The following DPP10 variants were observed in gnomAD, a reference collection of about 807,000 sequenced individuals.
The protein encoded by DPP10 is inactive dipeptidyl peptidase 10.
A neutral mutation model predicts 120.9 loss-of-function variants in DPP10; 33 were observed. The observed-to-expected ratio is 0.27, with a 90% CI of 0.21 to 0.37. DPP10 has a LOEUF of 0.37. DPP10 is among the 10% of genes least tolerant of loss of function. DPP10 has a pLI of 1.00. For missense variants in DPP10, 816 were observed against 942.8 expected, an observed-to-expected ratio of 0.87 and a Z score of 1.76; for synonymous variants, 337 against 326.1, an observed-to-expected ratio of 1.03 and a Z score of -0.36.
intron 3 of DPP10, among the ~76,000 whole-genome samples, chr2:115,362,145 A>G (rs566660619): frequency 6.6e-6 from 1 of 152,216 alleles, no homozygotes. Context: ...TTGGATAACT[A>G]TCACTGGTTT....
chr2:114,973,656 C>T (rs1465105283), intron 1 of DPP10, among the ~76,000 whole-genome samples: 5 of 13,870 alleles, frequency 3.6e-4, no homozygotes, highest in South Asian at 4.6e-3. Context: ...AGTGAGACTC[C>T]GTCTCAAAAA....
intron 1 of DPP10, among the ~76,000 whole-genome samples, chr2:114,578,325 T>G (rs1488114660): frequency 6.6e-6 from 1 of 152,232 alleles, no homozygotes; most frequent in Non-Finnish European, 1.5e-5. Flanking sequence ...GTATTCAAAT[T>G]AAGGCATTAG....
chr2:115,062,536 C>A (rs1204028402), intron 1 of DPP10, among the ~76,000 whole-genome samples: 1 of 152,164 alleles, frequency 6.6e-6, no homozygotes, highest in African/African-American at 2.4e-5. Flanking sequence ...CTTCCCCCTG[C>A]ACACTGCTCC....
chr2:114,595,459 T>G (rs1965088), intron 1 of DPP10, among the ~76,000 whole-genome samples: 37,005 of 151,954 alleles, frequency 0.24, 4,845 homozygotes, highest in African/African-American at 0.34. Context: ...AAGAAGGGTT[T>G]GGAAGGTCCA....
At position 114,987,312 on chromosome 2, in the gene DPP10, C is replaced by T. The variant is rs989769028; in HGVS notation, c.61-321927C>T. On this transcript the variant is annotated intron_variant, in intron 1 of 25. Transcript: ENST00000410059. ...TTTCTCCTGTATCCACCATGTATTGCGTTACCCAACCTTCTGCTGAACCTA... is the reference window on the plus strand; with the variant it reads ...TTTCTCCTGTATCCACCATGTATTGTGTTACCCAACCTTCTGCTGAACCTA... Among the ~76,000 whole-genome samples the T allele has an allele frequency of 5.3e-5, 8 of 152,132 alleles. No homozygotes were observed. In the South Asian group the frequency reaches 8.3e-4, roughly 16 times the overall value.
chr2:115,291,631 G>T (rs1416702881), intron 1 of DPP10, among the ~76,000 whole-genome samples: 1 of 151,974 alleles, frequency 6.6e-6, no homozygotes, highest in Admixed American at 6.6e-5. Flanking sequence ...TTATTTGAAT[G>T]ATGGATGTGT....
chr2:115,240,083 A>T (rs1465712643), intron 1 of DPP10, among the ~76,000 whole-genome samples: 1 of 152,228 alleles, frequency 6.6e-6, no homozygotes, highest in Non-Finnish European at 1.5e-5. Context: ...GTGTCTTTAT[A>T]GTAGGATGAT....
chr2:115,562,149 T>C (rs982065352), intron 5 of DPP10, among the ~76,000 whole-genome samples: 5 of 152,240 alleles, frequency 3.3e-5, no homozygotes, highest in Non-Finnish European at 5.9e-5. Flanking sequence ...AAACCCAGAA[T>C]GTTTGAAGCT....
At chr2:114,923,328 T>G (rs1311395725) in intron 1 of DPP10, among the ~76,000 whole-genome samples, 1 of 150,576 alleles carries the variant, frequency 6.6e-6, no homozygotes, top group Non-Finnish European at 1.5e-5. Context: ...GGATTACACG[T>G]GTGCGCCATC....
intron 1 of DPP10, among the ~76,000 whole-genome samples, chr2:115,245,860 C>T (rs2058510328): frequency 6.6e-6 from 1 of 151,864 alleles, no homozygotes; most frequent in South Asian, 2.1e-4. Context: ...TTAATGAGAC[C>T]AACATTAAAG....
chr2:115,298,375 C>T (rs1201809264), intron 1 of DPP10, among the ~76,000 whole-genome samples: 1 of 151,972 alleles, frequency 6.6e-6, no homozygotes, highest in Non-Finnish European at 1.5e-5. Flanking sequence ...GTACTGATTC[C>T]GAAGCCACTA....
intron 2 of DPP10, among the ~76,000 whole-genome samples, chr2:115,332,420 C>G (rs998297175): frequency 6.6e-6 from 1 of 151,944 alleles, no homozygotes; most frequent in Non-Finnish European, 1.5e-5. Context: ...ATATCTCTGT[C>G]TCCTTCAGTT....
chr2:114,791,763 C>G (rs1200120127), intron 1 of DPP10, among the ~76,000 whole-genome samples: 1 of 152,082 alleles, frequency 6.6e-6, no homozygotes, highest in African/African-American at 2.4e-5. Flanking sequence ...TGGAAGAAAA[C>G]ATCAGAAACT....
intron 1 of DPP10, among the ~76,000 whole-genome samples, chr2:115,158,066 T>A (rs964781656): frequency 1.4e-4 from 22 of 152,226 alleles, no homozygotes; most frequent in African/African-American, 4.8e-4. Flanking sequence ...GGGACATTTG[T>A]CTTTCTGACA....
chr2:115,228,589 A>T (rs189300754), intron 1 of DPP10, among the ~76,000 whole-genome samples: 11,749 of 151,696 alleles, frequency 0.077, 503 homozygotes, highest in Middle Eastern at 0.12. Context: ...ATTTTTTTTT[A>T]AAAAATTTAG....
chr2:114,469,276 G>T (rs1369995093), intron 1 of DPP10, among the ~76,000 whole-genome samples: 28 of 152,210 alleles, frequency 1.8e-4, no homozygotes, highest in Admixed American at 1.8e-3. Context: ...TGCAAAAGTT[G>T]CTCAAATGGA....
At chr2:115,640,649 G>C (rs572084463) in intron 5 of DPP10, among the ~76,000 whole-genome samples, 1 of 152,106 alleles carries the variant, frequency 6.6e-6, no homozygotes. Context: ...GAATCAGATC[G>C]CAGCTGTAAA....
chr2:115,325,728 CAAAA>C (rs982960049), intron 2 of DPP10, among the ~76,000 whole-genome samples: 3 of 151,662 alleles, frequency 2.0e-5, no homozygotes, highest in Admixed American at 6.6e-5. Context: ...TTTTTCAAAA[CAAAA>C]AAAGCAAAAT....
At chr2:114,668,237 G>A (rs79033804) in intron 1 of DPP10, among the ~76,000 whole-genome samples, 14,069 of 152,150 alleles carry the variant, frequency 0.092, 948 homozygotes, top group Admixed American at 0.2. Context: ...CTGGGAACTT[G>A]TGTATAACTG....
Sources: gnomAD v4.1 joint callset for allele counts (sites outside exome capture counted in the v4.1 genomes callset) on GRCh38, gnomAD v4.1.1 for gene constraint, MANE v1.5 for transcripts, NCBI Gene and HGNC (gene_info 2026-07-23, HGNC 2026-07-21) for gene names.